The following CLEC4D variants were observed in gnomAD, a reference collection of about 807,000 sequenced individuals.
CLEC4D encodes C-type (calcium dependent, carbohydrate-recognition domain) lectin, superfamily member 8.
Under a neutral mutation model 21.1 loss-of-function variants are expected in CLEC4D, and 21 were observed. The ratio of observed to expected loss-of-function variants is 1.00; its 90% CI spans 0.71 to 1.43. CLEC4D has a LOEUF of 1.43. Among genes scored for constraint, CLEC4D ranks in the 40% most tolerant of loss-of-function variants. CLEC4D has a pLI of 0.00. For synonymous variants in CLEC4D, 85 were observed against 83.1 expected (o/e 1.02, Z -0.12); for missense variants, 289 against 260.7 (o/e 1.11, Z -0.75).
At chr12:8,520,543 ATGTC>A (rs1306327320) in intron 5 of CLEC4D, among the ~76,000 whole-genome samples, 1 of 152,208 alleles carries the variant, frequency 6.6e-6, no homozygotes, top group Non-Finnish European at 1.5e-5. Context: ...TATTTGCACA[ATGTC>A]AATAATGAAA....
rs7138828 is a variant in CLEC4D at position 8,521,393 on chromosome 12, A to G, written c.*122A>G. 54,679 of 1,452,562 alleles carry G rather than the reference A, an allele frequency of 0.038. 1,945 individuals carry two copies. Among genetic ancestry groups the G allele is most frequent in the African/African-American group, 0.18 (13,017 of 70,852 alleles). The allele number at this position is 1,452,562 out of a possible 1,614,324, so 90.0% of individuals were successfully genotyped here. A position where few individuals can be genotyped will look rare whatever the true frequency, so the allele number is the denominator to read the frequency against. ...TGGTTCATACAGCGTTTTTAGTCAT[A>G]ATGGTCTTTTTTATTTTGTTTGATT... On this transcript the variant is annotated 3_prime_UTR_variant, in exon 6 of 6. Transcript: ENST00000299665.
intron 2 of CLEC4D, among the ~76,000 whole-genome samples, chr12:8,517,135 A>G (rs78977662): frequency 6.6e-6 from 1 of 152,262 alleles, no homozygotes; most frequent in South Asian, 2.1e-4. Context: ...GTGGTTACCT[A>G]TAAAGGCGAG....
downstream of CLEC4D, among the ~76,000 whole-genome samples, chr12:8,524,400 G>T (rs1246327644): frequency 6.6e-6 from 1 of 151,986 alleles, no homozygotes; most frequent in African/African-American, 2.4e-5. Context: ...TCTATTCAGG[G>T]ATTCAACTTC....
the CLEC4D span, among the ~76,000 whole-genome samples, chr12:8,529,256 G>A: frequency 6.6e-6 from 1 of 152,150 alleles, no homozygotes; most frequent in African/African-American, 2.4e-5. Flanking sequence ...AATGAATTGA[G>A]AGGTGATATA....
chr12:8,515,685 G>A (rs57832572), intron 2 of CLEC4D, among the ~76,000 whole-genome samples: 28,805 of 151,872 alleles, frequency 0.19, 2,832 homozygotes, highest in Middle Eastern at 0.28. Context: ...AAAAGAACAA[G>A]GTTGGAAGAA....
intron 1 of CLEC4D, 112 bp downstream of exon 1, chr12:8,513,872 G>T: frequency 1.5e-6 from 1 of 660,954 alleles, no homozygotes; most frequent in Non-Finnish European, 2.7e-6. Flanking sequence ...GGGAGAAGGA[G>T]GTGGAAGGAA....
the CLEC4D span, among the ~76,000 whole-genome samples, chr12:8,530,459 C>CA: frequency 0.033 from 2,915 of 87,304 alleles, 85 homozygotes; most frequent in African/African-American, 0.075. Context: ...ATCAAGAAAG[C>CA]AAAAAAAAAA....
intron 2 of CLEC4D, among the ~76,000 whole-genome samples, chr12:8,516,100 C>T (rs1353690625): frequency 6.6e-6 from 1 of 152,116 alleles, no homozygotes; most frequent in Non-Finnish European, 1.5e-5. Flanking sequence ...TCCTGCATCA[C>T]ACTGTATACA....
downstream of CLEC4D, among the ~76,000 whole-genome samples, chr12:8,525,951 A>T (rs1940502398): frequency 6.6e-6 from 1 of 152,168 alleles, no homozygotes; most frequent in Non-Finnish European, 1.5e-5. Context: ...TATGAAGCTT[A>T]GTTTGACTGG....
chr12:8,514,155 A>G (rs1316930403), intron 1 of CLEC4D, among the ~76,000 whole-genome samples: 4 of 152,110 alleles, frequency 2.6e-5, no homozygotes, highest in Admixed American at 2.6e-4. Context: ...TTGTATTGTG[A>G]TAATATTAAA....
chr12:8,525,883 C>T (rs769883943), downstream of CLEC4D, among the ~76,000 whole-genome samples: 11 of 152,184 alleles, frequency 7.2e-5, no homozygotes, highest in South Asian at 2.1e-4. Flanking sequence ...GCAGGCCTGG[C>T]GGTAACGAAA....
At chr12:8,517,447 C>A (rs998214445) in intron 2 of CLEC4D, among the ~76,000 whole-genome samples, 5 of 134,188 alleles carry the variant, frequency 3.7e-5, no homozygotes, top group African/African-American at 1.3e-4. Context: ...TATCCCTCCC[C>A]CCTCCCCCCA....
chr12:8,519,755 T>C (rs775173686), intron 4 of CLEC4D, among the ~76,000 whole-genome samples: 1 of 152,368 alleles, frequency 6.6e-6, no homozygotes, highest in Non-Finnish European at 1.5e-5. Context: ...TATTTCCTCA[T>C]GTAATATGTT....
In CLEC4D at chr12:8,521,371, T is replaced by A; in HGVS notation, c.*100T>A. On this transcript the variant is annotated 3_prime_UTR_variant, in exon 6 of 6. Coordinates refer to ENST00000299665, the MANE Select transcript of CLEC4D (RefSeq NM_080387.5). ...CATTGGAACACAGAAAACATGCTGG[T>A]TCATACAGCGTTTTTAGTCATAATG... 1 of 1,498,246 alleles carries A rather than the reference T, an allele frequency of 6.7e-7. No homozygotes were observed. Among genetic ancestry groups the A allele is most frequent in the Non-Finnish European group, 8.8e-7 (1 of 1,130,734 alleles). 92.8% of individuals were successfully genotyped at this position (1,498,246 alleles called of 1,614,324 possible).
At chr12:8,517,986 T>C (rs752002090) in intron 2 of CLEC4D, among the ~76,000 whole-genome samples, 178 bp from the exon 3 acceptor site, 49 of 152,274 alleles carry the variant, frequency 3.2e-4, no homozygotes, top group East Asian at 1.2e-3. Context: ...ATATTAATTT[T>C]CAACAATTGC....
At chr12:8,520,178 C>G in intron 4 of CLEC4D, 48 bp from the exon 5 acceptor site, 1 of 1,601,156 alleles carries the variant, frequency 6.2e-7, no homozygotes, top group Non-Finnish European at 8.5e-7. Context: ...AACATCATAG[C>G]CATCACCTGA....
the CLEC4D span, among the ~76,000 whole-genome samples, chr12:8,528,454 A>G: frequency 3.1e-3 from 469 of 152,302 alleles, 4 homozygotes; most frequent in African/African-American, 0.01. Context: ...ATAAATTTCT[A>G]GTCTCAGATA....
In CLEC4D at chr12:8,522,180, A is replaced by G. The variant is rs1940466855; in HGVS notation, c.*909A>G. 1 of 152,170 alleles carries G rather than the reference A, an allele frequency of 6.6e-6. No homozygotes were observed. The highest frequency in any genetic ancestry group is 2.4e-5 in the African/African-American group (1 of 41,454). The allele number at this position is 152,170 out of a possible 1,614,324, so 9.4% of individuals were successfully genotyped here. ...TTTGCATTATTAATTTGAATAGAAA[A>G]TAATCACATTTTCAACCCATTTATA... On this transcript the variant is annotated 3_prime_UTR_variant, in exon 6 of 6. Coordinates refer to ENST00000299665, the MANE Select transcript of CLEC4D (RefSeq NM_080387.5).
chr12:8,519,221 G>T, intron 4 of CLEC4D, 61 bp downstream of exon 4: 1 of 1,572,246 alleles, frequency 6.4e-7, no homozygotes, highest in Non-Finnish European at 8.6e-7. Flanking sequence ...AGAAAAAGAG[G>T]AATTTCTCTG....
Sources: allele counts gnomAD v4.1 joint callset (sites outside exome capture counted in the v4.1 genomes callset), GRCh38; gene constraint gnomAD v4.1.1; transcripts MANE v1.5; gene names NCBI Gene and HGNC (gene_info 2026-07-23, HGNC 2026-07-21).